The following NCOA2 variants were observed in gnomAD, a reference collection of about 807,000 sequenced individuals.
NCOA2 encodes class E basic helix-loop-helix protein 75.
NCOA2 carries 21 observed loss-of-function variants against 145.1 expected under a neutral mutation model. The ratio of observed to expected loss-of-function variants is 0.14; its 90% CI spans 0.10 to 0.21. The LOEUF (loss-of-function observed/expected upper bound fraction) is 0.21, where lower values mean the gene tolerates loss of function less well. NCOA2 is among the 10% of genes least tolerant of loss of function. The pLI is 1.00. For missense variants in NCOA2, 1,472 were observed against 1,837.6 expected, an observed-to-expected ratio of 0.80 and a Z score of 3.64; for synonymous variants, 619 against 637.5, an observed-to-expected ratio of 0.97 and a Z score of 0.44.
At chr8:70,226,155 T>G (rs1263447230) in intron 2 of NCOA2, among the ~76,000 whole-genome samples, 1 of 152,176 alleles carries the variant, frequency 6.6e-6, no homozygotes, top group African/African-American at 2.4e-5. Context: ...TATTAGCAGT[T>G]AAATTATTTC....
rs183916150 is a variant in NCOA2 at position 70,160,747 on chromosome 8, T to C, written c.977-1095A>G. Reference sequence around the variant, plus strand: ...CTAATTTCTTCGTAAAATTTCACTTTAAGCAATTTGTCTAATGACTCCTCT... The same window carrying C: ...CTAATTTCTTCGTAAAATTTCACTTCAAGCAATTTGTCTAATGACTCCTCT... On this transcript the variant is annotated intron_variant, in intron 9 of 22. Transcript: ENST00000452400. Among the ~76,000 whole-genome samples, 34 of 151,936 alleles carry C rather than the reference T, an allele frequency of 2.2e-4. No individual in the cohort carries two copies. In the East Asian group the frequency reaches 3.9e-3, roughly 17 times the overall value.
chr8:70,117,265 A>G (rs1585701796), intron 22 of NCOA2, among the ~76,000 whole-genome samples: 1 of 152,310 alleles, frequency 6.6e-6, no homozygotes, highest in Admixed American at 6.5e-5. Context: ...CAGTTCTCTA[A>G]GTCTTCAGAC....
chr8:70,116,725 C>T (rs1006859862), intron 22 of NCOA2, among the ~76,000 whole-genome samples: 2 of 152,214 alleles, frequency 1.3e-5, no homozygotes, highest in African/African-American at 4.8e-5. Context: ...ACAGATTATT[C>T]TCTAAAGCAA....
rs115279274 is a variant in NCOA2 at position 70,390,959 on chromosome 8, C to G, written c.-77+12741G>C. On this transcript the variant is annotated intron_variant, in intron 1 of 22. Coordinates refer to ENST00000452400, the MANE Select transcript of NCOA2 (RefSeq NM_006540.4). ...CTATTTCTCAAAGTGAGAATGAACC[C>G]CTATGCACACTGTGATCCAAGAGGG... 1.1e-3 allele frequency among the ~76,000 whole-genome samples: 171 copies of G among 152,144 alleles called. 1 individual carries two copies. The highest frequency in any genetic ancestry group is 3.4e-3 in the African/African-American group (142 of 41,484).
intron 2 of NCOA2, among the ~76,000 whole-genome samples, chr8:70,267,269 T>C (rs1433427155): frequency 6.6e-6 from 1 of 152,240 alleles, no homozygotes; most frequent in African/African-American, 2.4e-5. Context: ...ACGTATTTTA[T>C]TGTGCTAGAA....
At chr8:70,350,641 TG>T (rs1809090237) in intron 1 of NCOA2, among the ~76,000 whole-genome samples, 1 of 152,238 alleles carries the variant, frequency 6.6e-6, no homozygotes, top group Non-Finnish European at 1.5e-5. Context: ...TGAAAGATTT[TG>T]TAAAGTTTAC....
intron 4 of NCOA2, among the ~76,000 whole-genome samples, chr8:70,188,247 T>C (rs1387289113): frequency 1.3e-5 from 2 of 152,376 alleles, no homozygotes; most frequent in East Asian, 3.9e-4. Flanking sequence ...CATTGTGTGT[T>C]GTTTTTAAAT....
chr8:70,438,319 C>T, the NCOA2 span, among the ~76,000 whole-genome samples: 2 of 152,176 alleles, frequency 1.3e-5, no homozygotes, highest in African/African-American at 4.8e-5. Flanking sequence ...TAATTCAAAA[C>T]CCTAGCTTGT....
intron 2 of NCOA2, among the ~76,000 whole-genome samples, chr8:70,289,197 G>A (rs77119621): frequency 0.034 from 5,225 of 152,098 alleles, 297 homozygotes; most frequent in African/African-American, 0.12. Flanking sequence ...TAATAAAACC[G>A]CCACTTAAAA....
At chr8:70,149,627 C>T (rs866999220) in intron 11 of NCOA2, among the ~76,000 whole-genome samples, 3 of 151,622 alleles carry the variant, frequency 2.0e-5, no homozygotes, top group South Asian at 2.1e-4. Context: ...TAAGTATCAC[C>T]ACTATTTCAC....
intron 4 of NCOA2, among the ~76,000 whole-genome samples, chr8:70,181,349 G>C (rs893907770): frequency 6.6e-6 from 1 of 152,036 alleles, no homozygotes; most frequent in Admixed American, 6.6e-5. Context: ...TCCTTTTTTG[G>C]GGATCATCTG....
chr8:70,379,358 T>C (rs1019001061), intron 1 of NCOA2, among the ~76,000 whole-genome samples: 6 of 152,162 alleles, frequency 3.9e-5, no homozygotes, highest in African/African-American at 9.7e-5. Flanking sequence ...TAAACATACA[T>C]AGCACATGAC....
At chr8:70,191,672 AT>A (rs1816696127) in intron 4 of NCOA2, among the ~76,000 whole-genome samples, 2 of 152,196 alleles carry the variant, frequency 1.3e-5, no homozygotes, top group Non-Finnish European at 1.5e-5. Context: ...CACAAATGGG[AT>A]ATGTTTTTAT....
intron 2 of NCOA2, among the ~76,000 whole-genome samples, chr8:70,254,376 C>T (rs975318364): frequency 1.1e-4 from 16 of 152,114 alleles, no homozygotes; most frequent in African/African-American, 3.6e-4. Flanking sequence ...GGGTATGTAT[C>T]CAAAAGAACT....
intron 1 of NCOA2, among the ~76,000 whole-genome samples, chr8:70,394,006 C>T (rs1313802552): frequency 1.3e-5 from 2 of 152,208 alleles, no homozygotes; most frequent in Admixed American, 6.5e-5. Flanking sequence ...CTATTAGGAT[C>T]GTTAATTGAT....
intron 2 of NCOA2, among the ~76,000 whole-genome samples, chr8:70,276,569 A>G (rs1028603946): frequency 6.6e-6 from 1 of 152,086 alleles, no homozygotes; most frequent in African/African-American, 2.4e-5. Context: ...ATAGTACGTT[A>G]TCACTGAGAT....
rs561528521 is a variant in NCOA2, at chr8:70,218,549, A to T, written c.-19-1785T>A. Among the ~76,000 whole-genome samples the T allele has an allele frequency of 3.7e-4, 56 of 152,334 alleles. 1 individual carries two copies. Among genetic ancestry groups the T allele is most frequent in the African/African-American group, 1.3e-3 (53 of 41,580 alleles). On this transcript the variant is annotated intron_variant, in intron 2 of 22. Coordinates refer to ENST00000452400, the MANE Select transcript of NCOA2 (RefSeq NM_006540.4). Reference sequence around the variant, plus strand: ...AGGCTCACTTGAGACCAGGAGTTGGAGACCAGCCTGAACAACGTATCAAGA... The same window carrying T: ...AGGCTCACTTGAGACCAGGAGTTGGTGACCAGCCTGAACAACGTATCAAGA...
At chr8:70,137,733 G>T (rs976589763) in intron 15 of NCOA2, among the ~76,000 whole-genome samples, 2 of 152,324 alleles carry the variant, frequency 1.3e-5, no homozygotes, top group East Asian at 3.9e-4. Context: ...GCCAGTTTGG[G>T]ACGAGCCACA....
At chr8:70,290,819 AAC>A (rs1318198442) in intron 2 of NCOA2, among the ~76,000 whole-genome samples, 3 of 151,424 alleles carry the variant, frequency 2.0e-5, no homozygotes, top group African/African-American at 7.4e-5. Context: ...TTAAAAAAAA[AAC>A]AAAACTATAA....
Sources: gnomAD v4.1 joint callset for allele counts (sites outside exome capture counted in the v4.1 genomes callset) on GRCh38, gnomAD v4.1.1 for gene constraint, MANE v1.5 for transcripts, NCBI Gene and HGNC (gene_info 2026-07-23, HGNC 2026-07-21) for gene names.